The following MICAL3 variants were observed in gnomAD, a reference collection of about 807,000 sequenced individuals.
The protein encoded by MICAL3 is [F-actin]-monooxygenase MICAL3.
In MICAL3, 62 loss-of-function variants were observed where a neutral mutation model predicts 207.4. That is an observed-to-expected ratio of 0.30 (90% confidence interval 0.24 to 0.37). MICAL3 has a LOEUF of 0.37. MICAL3 is among the 10% of genes least tolerant of loss of function. The probability of loss-of-function intolerance (pLI) is 1.00; values close to 1 mark genes in which losing one functional copy is unlikely to be tolerated. For missense variants in MICAL3, 2,368 were observed against 2,635.6 expected, an observed-to-expected ratio of 0.90 and a Z score of 2.22; for synonymous variants, 1,077 against 1,069.3, an observed-to-expected ratio of 1.01 and a Z score of -0.14.
Position 17,819,100 on chromosome 22 carries a change from G to T in MICAL3, c.3561C>A (p.Ala1187=). Residue 1187 remains alanine, a synonymous_variant, in exon 26 of 32, where the codon GCC becomes GCA. Coordinates refer to ENST00000441493, the MANE Select transcript of MICAL3 (RefSeq NM_015241.3). ...GCTCCTCAGGTGATTTCTCCTGGGT[G>T]GCGGCAGGGACAGGTGGGAGTTGGG... is the stretch of plus-strand genomic sequence containing the variant. ...EGPQLPPVPA[A]TQEKSPEERL... is the part of the protein sequence containing the mutation. 6.6e-7 allele frequency: 1 copy of T among 1,510,952 alleles called. No homozygotes were observed. Among genetic ancestry groups the T allele is most frequent in the Non-Finnish European group, 8.9e-7 (1 of 1,126,654 alleles). The allele number at this position is 1,510,952 out of a possible 1,614,324, so 93.6% of individuals were successfully genotyped here. A position where few individuals can be genotyped will look rare whatever the true frequency, so the allele number is the denominator to read the frequency against.
chr22:17,980,940 C>T lies in MICAL3; in HGVS notation c.-75+43341G>A, dbSNP rs377373465. 1.4e-3 allele frequency: 761 copies of T among 532,142 alleles called. 2 individuals carry two copies. The highest frequency in any genetic ancestry group is 2.6e-3 in the Non-Finnish European group (668 of 258,334). The allele number at this position is 532,142 out of a possible 1,614,324, so 33.0% of individuals were successfully genotyped here. A position where few individuals can be genotyped will look rare whatever the true frequency, so the allele number is the denominator to read the frequency against. On this transcript the variant is annotated intron_variant, in intron 1 of 31. Coordinates refer to ENST00000441493, the MANE Select transcript of MICAL3 (RefSeq NM_015241.3). ...TGCCCCGGCCCCCACCAGTGCCCTG[C>T]ACACTTGGAGGTGTCTGTGATCATC...
intron 1 of MICAL3, among the ~76,000 whole-genome samples, chr22:17,975,719 A>T (rs1010264696): frequency 6.6e-6 from 1 of 152,172 alleles, no homozygotes; most frequent in Non-Finnish European, 1.5e-5. Context: ...CACTGTCCCA[A>T]GAGTGAGTTA....
intron 1 of MICAL3, among the ~76,000 whole-genome samples, chr22:17,944,451 G>T (rs1431829437): frequency 6.6e-6 from 1 of 152,164 alleles, no homozygotes; most frequent in Non-Finnish European, 1.5e-5. Flanking sequence ...AAGCTAATGT[G>T]ATCTCCCGCC....
intron 20 of MICAL3, among the ~76,000 whole-genome samples, chr22:17,838,768 T>C (rs1416359622): frequency 3.9e-5 from 6 of 152,130 alleles, no homozygotes; most frequent in African/African-American, 1.4e-4. Flanking sequence ...GTTAATGCCT[T>C]AAAATGATGC....
Position 17,822,164 on chromosome 22 carries a change from T to C in MICAL3, c.3314A>G (p.His1105Arg), listed in dbSNP as rs1406241227. ...AGCATCCGACGGGCTGTCAGACCAG[T>C]GCTGATCTGGCAGAGGGAAGGGGCA... ...DTGAELDDDQ[H>R]WSDSPSDADR... Residue 1105 changes from histidine (H) to arginine (R), a missense_variant, in exon 24 of 32, where the codon CAC becomes CGC. Physicochemically the swap from His to Arg is conservative, Grantham distance 29 (BLOSUM62 0). Around this residue, in one of 4 missense-constraint regions of MICAL3, gnomAD observed 1,770 missense variants for 1,863.2 expected, o/e 0.95. Coordinates refer to ENST00000441493, the MANE Select transcript of MICAL3 (RefSeq NM_015241.3). 6.2e-7 allele frequency: 1 copy of C among 1,613,494 alleles called. No homozygotes were observed.
intron 1 of MICAL3, among the ~76,000 whole-genome samples, chr22:17,911,779 C>T (rs1932161092): frequency 8.9e-6 from 1 of 111,824 alleles, no homozygotes; most frequent in African/African-American, 5.7e-5. Flanking sequence ...CTGCAGTGAG[C>T]CATGATCATG....
intron 16 of MICAL3, among the ~76,000 whole-genome samples, chr22:17,882,280 C>T (rs1189489639): frequency 3.3e-5 from 5 of 152,186 alleles, no homozygotes; most frequent in African/African-American, 1.2e-4. Context: ...ATTATTTTCC[C>T]TCTTCCATAT....
chr22:17,878,300 G>C (rs1462350994), intron 16 of MICAL3, among the ~76,000 whole-genome samples: 2 of 152,244 alleles, frequency 1.3e-5, no homozygotes, highest in Non-Finnish European at 2.9e-5. Flanking sequence ...GAAGAAGAGA[G>C]AAAGAGGCTG....
chr22:17,861,162 C>T (rs1335415303), intron 19 of MICAL3: 2 of 985,210 alleles, frequency 2.0e-6, no homozygotes, highest in East Asian at 2.3e-4. Context: ...TCCGAACTTC[C>T]CTCTGTCAGG....
intron 20 of MICAL3, among the ~76,000 whole-genome samples, chr22:17,833,575 G>A (rs1327562685): frequency 2.0e-5 from 3 of 152,208 alleles, no homozygotes; most frequent in African/African-American, 7.2e-5. Flanking sequence ...TCCAAAGAGA[G>A]GACTCCAGCC....
At chr22:17,829,894 ACTG>A (rs148436380) in intron 21 of MICAL3, among the ~76,000 whole-genome samples, 62,816 of 151,510 alleles carry the variant, frequency 0.41, 13,362 homozygotes, top group African/African-American at 0.48. Flanking sequence ...TTTGCGCCTG[ACTG>A]TCTGGGCAGG....
chr22:17,827,357 C>T (rs1922312043), intron 22 of MICAL3, among the ~76,000 whole-genome samples: 1 of 152,170 alleles, frequency 6.6e-6, no homozygotes, highest in African/African-American at 2.4e-5. Context: ...TGACCAGAAA[C>T]ATGAGAGAAA....
Position 17,859,466 on chromosome 22 carries a change from A to G in MICAL3, c.2605+5433T>C, listed in dbSNP as rs35600226. Among the ~76,000 whole-genome samples, 538 of 152,356 alleles carry G rather than the reference A, an allele frequency of 3.5e-3. 1 individual carries two copies. Among genetic ancestry groups the G allele is most frequent in the Middle Eastern group, 0.027 (8 of 294 alleles). ...ACTGCAGCTGACAAAATGCGGGAAC[A>G]GTGCCACGGCTGCTAATGCCAGCAG... is the stretch of plus-strand genomic sequence containing the variant. On this transcript the variant is annotated intron_variant, in intron 19 of 31. Transcript: ENST00000441493.
rs1928622196 is a variant in MICAL3 at position 17,877,027 on chromosome 22, TGGAGGTTAGGGAGGTTATGGAGGTTAG to T, written c.2242-5031_2242-5005del. ...GAGGTTATGGAGGTTATGGAGGTTATGGAGGTTAGGGAGGTTATGGAGGTTAGGGAGGTTATGGAGGTTAGGGAAGTT... is the reference window on the plus strand; with the variant it reads ...GAGGTTATGGAGGTTATGGAGGTTATGGAGGTTATGGAGGTTAGGGAAGTT... On this transcript the variant is annotated intron_variant, in intron 16 of 31. Transcript: ENST00000441493. Among the ~76,000 whole-genome samples, 7 of 12,270 alleles carry T rather than the reference TGGAGGTTAGGGAGGTTATGGAGGTTAG, an allele frequency of 5.7e-4. No individual in the cohort carries two copies. In the South Asian group the frequency reaches 0.023, roughly 40 times the overall value. 8.0% of individuals were successfully genotyped at this position (12,270 alleles called of 152,430 possible).
At chr22:17,975,182 G>GT (rs1413311828) in intron 1 of MICAL3, among the ~76,000 whole-genome samples, 8 of 152,186 alleles carry the variant, frequency 5.3e-5, no homozygotes, top group African/African-American at 1.7e-4. Context: ...TTCTGCAGAA[G>GT]GGAAAGGCCA....
intron 16 of MICAL3, chr22:17,884,363 G>GAC: frequency 6.3e-7 from 1 of 1,589,008 alleles, no homozygotes; most frequent in Non-Finnish European, 8.5e-7. Context: ...TGTCAGCTGG[G>GAC]ACACACAGGC....
At chr22:18,019,055 T>A (rs1924262335) in intron 1 of MICAL3, among the ~76,000 whole-genome samples, 1 of 151,932 alleles carries the variant, frequency 6.6e-6, no homozygotes, top group Non-Finnish European at 1.5e-5. Context: ...TAGCTAGGCA[T>A]GGTGATGCAT....
At chr22:17,958,892 G>A (rs1934759791) in intron 1 of MICAL3, among the ~76,000 whole-genome samples, 2 of 151,472 alleles carry the variant, frequency 1.3e-5, no homozygotes, top group South Asian at 2.1e-4. Flanking sequence ...TTTTAGTAAA[G>A]ACAGGGTTTC....
intron 20 of MICAL3, among the ~76,000 whole-genome samples, chr22:17,837,974 G>A (rs897501083): frequency 3.3e-5 from 5 of 152,162 alleles, no homozygotes; most frequent in African/African-American, 1.2e-4. Flanking sequence ...GTACCACCAC[G>A]CTGGCTAATT....
Sources: gnomAD v4.1 joint callset for allele counts (sites outside exome capture counted in the v4.1 genomes callset) on GRCh38, gnomAD v4.1.1 for gene constraint, gnomAD v4.1.1 regional missense constraint, MANE v1.5 for transcripts, NCBI Gene and HGNC (gene_info 2026-07-23, HGNC 2026-07-21) for gene names.